BACH2: variants seen among roughly 807,000 people sequenced by gnomAD.
BACH2 encodes the protein transcription regulator protein BACH2.
A neutral mutation model predicts 61.8 loss-of-function variants in BACH2; 5 were observed. The ratio of observed to expected loss-of-function variants is 0.08; its 90% confidence interval spans 0.04 to 0.17. The LOEUF (loss-of-function observed/expected upper bound fraction) is 0.17. Among genes scored for constraint, BACH2 ranks in the 10% least tolerant of loss-of-function variants. The probability of loss-of-function intolerance (pLI) is 1.00; values close to 1 mark genes in which losing one functional copy is unlikely to be tolerated. For missense variants in BACH2, 824 were observed against 1,091.1 expected, an observed-to-expected ratio of 0.76 and a Z score of 3.45; for synonymous variants, 446 against 440.1, an observed-to-expected ratio of 1.01 and a Z score of -0.17.
intron 1 of BACH2, among the ~76,000 whole-genome samples, chr6:90,288,191 A>C (rs1772077410): frequency 6.6e-6 from 1 of 152,128 alleles, no homozygotes; most frequent in Non-Finnish European, 1.5e-5. Flanking sequence ...CATTTGCATA[A>C]TATGGAATCT....
chr6:89,945,740 A>G (rs145910323), intron 7 of BACH2, among the ~76,000 whole-genome samples: 99 of 152,338 alleles, frequency 6.5e-4, no homozygotes, highest in African/African-American at 2.3e-3. Context: ...AAACCTGTGC[A>G]AGATAGACAT....
chr6:90,105,882 T>G (rs2127813941), intron 4 of BACH2, among the ~76,000 whole-genome samples: 1 of 152,302 alleles, frequency 6.6e-6, no homozygotes, highest in African/African-American at 2.4e-5. Flanking sequence ...AAGTAATTAT[T>G]TAAGACTTAT....
At position 89,932,901 on chromosome 6, in the gene BACH2, G is replaced by A. The variant is rs377509742; in HGVS notation, c.2044-11C>T. The stretch of plus-strand genomic sequence containing the variant: ...CTCTTTCTCACACACCTGGACAGTA[G>A]AGAAAAAAAGAGAAGGGTTGATCAA... On this transcript the variant is annotated splice_polypyrimidine_tract_variant and intron_variant, in intron 8 of 8. Coordinates refer to ENST00000257749, the MANE Select transcript of BACH2 (RefSeq NM_021813.4). 100 of 1,545,484 alleles carry A rather than the reference G, an allele frequency of 6.5e-5. 1 individual carries two copies. The Middle Eastern group carries it at 1.8e-3, about 27-fold the overall frequency.
intron 5 of BACH2, among the ~76,000 whole-genome samples, chr6:90,052,760 G>T (rs1186235580): frequency 2.6e-5 from 4 of 152,068 alleles, no homozygotes. Flanking sequence ...AAGCTACATA[G>T]CTCCTTTTTG....
chr6:90,194,347 GA>G (rs559564878), intron 4 of BACH2, among the ~76,000 whole-genome samples: 2 of 151,554 alleles, frequency 1.3e-5, no homozygotes, highest in Non-Finnish European at 2.9e-5. Flanking sequence ...CTGACATGAA[GA>G]AAAAATGAAA....
intron 1 of BACH2, among the ~76,000 whole-genome samples, chr6:90,295,513 G>T (rs866887632): frequency 6.6e-6 from 1 of 152,048 alleles, no homozygotes; most frequent in Non-Finnish European, 1.5e-5. Flanking sequence ...CTCCAGCGGC[G>T]CCGGGCTCCC....
intron 4 of BACH2, among the ~76,000 whole-genome samples, chr6:90,138,053 AACAC>A (rs10602894): frequency 0.07 from 9,992 of 142,878 alleles, 476 homozygotes; most frequent in African/African-American, 0.13. Context: ...CTAATCATAA[AACAC>A]ACACACACAC....
chr6:90,262,814 G>T (rs117699318), intron 2 of BACH2, among the ~76,000 whole-genome samples: 9 of 152,154 alleles, frequency 5.9e-5, no homozygotes. Flanking sequence ...CAAGGGACAC[G>T]CATTAACTGT....
At chr6:89,996,647 A>T (rs1776863223) in intron 6 of BACH2, among the ~76,000 whole-genome samples, 1 of 152,060 alleles carries the variant, frequency 6.6e-6, no homozygotes, top group South Asian at 2.1e-4. Flanking sequence ...CTTGCTCCCT[A>T]GTGAAGTCCT....
At chr6:90,173,052 C>T (rs531272131) in intron 4 of BACH2, among the ~76,000 whole-genome samples, 9 of 149,814 alleles carry the variant, frequency 6.0e-5, no homozygotes, top group Non-Finnish European at 1.0e-4. Context: ...CTAGGGTAAG[C>T]GTGGAAAAAA....
intron 5 of BACH2, among the ~76,000 whole-genome samples, chr6:90,033,932 C>A (rs934533644): frequency 1.3e-5 from 2 of 152,100 alleles, no homozygotes; most frequent in African/African-American, 4.8e-5. Flanking sequence ...GTTAGAATGC[C>A]AGTCAAGGAA....
intron 6 of BACH2, among the ~76,000 whole-genome samples, chr6:89,968,450 A>AT (rs1002630611): frequency 2.0e-5 from 3 of 152,232 alleles, no homozygotes; most frequent in Admixed American, 1.3e-4. Context: ...ATGAAAGTGT[A>AT]TTTTTTTAAG....
chr6:90,007,815 G>A (rs1039058396), intron 6 of BACH2, among the ~76,000 whole-genome samples: 2 of 152,194 alleles, frequency 1.3e-5, no homozygotes, highest in South Asian at 2.1e-4. Flanking sequence ...GATGCACACC[G>A]CGCTGGTGGT....
chr6:90,253,863 A>C (rs1369226123), intron 2 of BACH2, among the ~76,000 whole-genome samples: 2 of 152,052 alleles, frequency 1.3e-5, no homozygotes, highest in Admixed American at 1.3e-4. Flanking sequence ...CAGTATGTAC[A>C]TAGTCATAAA....
At chr6:90,215,501 G>A (rs546040264) in intron 3 of BACH2, among the ~76,000 whole-genome samples, 6 of 152,066 alleles carry the variant, frequency 3.9e-5, no homozygotes, top group Non-Finnish European at 7.4e-5. Context: ...TTTAAAGCTC[G>A]TATGTACTTG....
rs1169592976 is a variant in BACH2, at chr6:90,010,847, G to C, written c.-12-1991C>G. On this transcript the variant is annotated intron_variant, in intron 5 of 8. Transcript: ENST00000257749. ...TTTCTCTAATGCCTGAAGTTGTTGA[G>C]AATCTTCCATGTGTTTATTTGACCT... 2.6e-5 allele frequency among the ~76,000 whole-genome samples: 4 copies of C among 152,156 alleles called. No individual in the cohort carries two copies. The East Asian group carries it at 7.7e-4, about 29-fold the overall frequency.
At chr6:90,238,283 G>A (rs1770325130) in intron 3 of BACH2, among the ~76,000 whole-genome samples, 1 of 152,182 alleles carries the variant, frequency 6.6e-6, no homozygotes, top group Non-Finnish European at 1.5e-5. Context: ...AACTCTTAGA[G>A]AAAAATTATG....
chr6:90,210,842 A>T (rs1769320915), intron 3 of BACH2, among the ~76,000 whole-genome samples: 1 of 152,188 alleles, frequency 6.6e-6, no homozygotes, highest in Non-Finnish European at 1.5e-5. Flanking sequence ...TTAATGAAAC[A>T]TAATTTGTCT....
intron 1 of BACH2, among the ~76,000 whole-genome samples, chr6:90,280,627 C>A (rs1771830718): frequency 6.6e-6 from 1 of 152,144 alleles, no homozygotes; most frequent in Non-Finnish European, 1.5e-5. Flanking sequence ...CCCAGGGGCA[C>A]CTTGAGAAAG....
Sources: gnomAD v4.1 joint callset for allele counts (sites outside exome capture counted in the v4.1 genomes callset) on GRCh38, gnomAD v4.1.1 for gene constraint, MANE v1.5 for transcripts, NCBI Gene and HGNC (gene_info 2026-07-23, HGNC 2026-07-21) for gene names.